The following WDR27 variants were observed in gnomAD, a reference collection of about 807,000 sequenced individuals.
WDR27 encodes the protein WD repeat domain 27.
In WDR27, 100 loss-of-function variants were observed where a neutral mutation model predicts 114.4. That is an observed-to-expected ratio of 0.87 (90% CI 0.74 to 1.03). The LOEUF is 1.03. Among genes scored for constraint, WDR27 ranks in the 50% least tolerant of loss-of-function variants. WDR27 has a pLI of 0.00. For synonymous variants in WDR27, 449 were observed against 423.1 expected, an observed-to-expected ratio of 1.06 and a Z score of -0.75; for missense variants, 1,129 against 1,092.9, an observed-to-expected ratio of 1.03 and a Z score of -0.47.
At chr6:169,558,875 C>T (rs1799273487) in intron 25 of WDR27, 1 of 152,204 alleles carries the variant, frequency 6.6e-6, no homozygotes, top group Non-Finnish European at 1.5e-5. Context: ...CTCATTTTGA[C>T]TACTGTTGGT....
chr6:169,450,450 T>A, the WDR27 span, among the ~76,000 whole-genome samples: 20 of 152,328 alleles, frequency 1.3e-4, no homozygotes, highest in African/African-American at 4.8e-4. Context: ...AGGCCACAGT[T>A]CTACAGCTGA....
the WDR27 span, among the ~76,000 whole-genome samples, chr6:169,440,356 C>T: frequency 1.3e-5 from 2 of 152,274 alleles, no homozygotes; most frequent in Admixed American, 6.5e-5. Context: ...TTTCCTAACG[C>T]CCTATAAACA....
chr6:169,682,880 TA>T (rs891407731), intron 2 of WDR27, among the ~76,000 whole-genome samples: 6 of 151,898 alleles, frequency 4.0e-5, no homozygotes, highest in African/African-American at 9.7e-5. Flanking sequence ...AGATTAATTT[TA>T]AAAAAAATCA....
At chr6:169,460,665 A>G (rs186596838) in intron 25 of WDR27, among the ~76,000 whole-genome samples, 114 of 152,314 alleles carry the variant, frequency 7.5e-4, no homozygotes, top group African/African-American at 2.6e-3. Flanking sequence ...TTAAAAACAC[A>G]TAATTCAACT....
chr6:169,696,262 G>C (rs2128313028), intron 1 of WDR27, among the ~76,000 whole-genome samples: 1 of 152,322 alleles, frequency 6.6e-6, no homozygotes, highest in South Asian at 2.1e-4. Flanking sequence ...TCAACAGCAA[G>C]AGTCCAGGGT....
At chr6:169,613,942 C>G (rs1206017527) in intron 21 of WDR27, among the ~76,000 whole-genome samples, 1 of 152,014 alleles carries the variant, frequency 6.6e-6, no homozygotes, top group Non-Finnish European at 1.5e-5. Flanking sequence ...AGTAATACAC[C>G]AAAATTCATG....
chr6:169,436,442 A>G, the WDR27 span, among the ~76,000 whole-genome samples: 97 of 151,504 alleles, frequency 6.4e-4, no homozygotes, highest in Non-Finnish European at 9.6e-4. Flanking sequence ...TTTAATGAAA[A>G]CAACTGTATC....
chr6:169,547,966 A>G (rs1204567640), intron 25 of WDR27, among the ~76,000 whole-genome samples: 1 of 152,164 alleles, frequency 6.6e-6, no homozygotes, highest in Admixed American at 6.5e-5. Flanking sequence ...GGATTGCAGA[A>G]TTCAAGGTCA....
At chr6:169,629,256 C>T (rs572708141) in intron 21 of WDR27, among the ~76,000 whole-genome samples, 6 of 152,006 alleles carry the variant, frequency 3.9e-5, no homozygotes, top group East Asian at 1.9e-4. Flanking sequence ...TTAAAAACTC[C>T]GAAATTATAT....
rs145239089 is a variant in WDR27, at chr6:169,550,241, C to T, written c.2645+22178G>A. On this transcript the variant is annotated intron_variant, in intron 25 of 25. Transcript: ENST00000448612. ...CTGCACATATCGTTATAAGAGTGTTCAGTTACTTTGTATGTTTCTAAAATA... is the reference window on the plus strand; with the variant it reads ...CTGCACATATCGTTATAAGAGTGTTTAGTTACTTTGTATGTTTCTAAAATA... 2.4e-3 allele frequency among the ~76,000 whole-genome samples: 369 copies of T among 152,212 alleles called. 2 individuals carry two copies. Among genetic ancestry groups the T allele is most frequent in the African/African-American group, 8.5e-3 (354 of 41,540 alleles).
At position 169,672,333 on chromosome 6, in the gene WDR27, G is replaced by C. The variant is rs758580550; in HGVS notation, c.253C>G (p.Pro85Ala). The C allele has an allele frequency of 1.2e-6, 2 of 1,613,112 alleles. No homozygotes were observed. Among genetic ancestry groups the C allele is most frequent in the Non-Finnish European group, 1.7e-6 (2 of 1,179,398 alleles). ...AGTGATGCTGAGCAGATTAGAAGTGGGTTCACTTTATTTCCAAAAGCCATA... is the reference window on the plus strand; with the variant it reads ...AGTGATGCTGAGCAGATTAGAAGTGCGTTCACTTTATTTCCAAAAGCCATA... ...TAMAFGNKVNPLLICSASLDY... is the reference protein window; with the variant it reads ...TAMAFGNKVNALLICSASLDY... The change falls in exon 3 of 26, where the codon CCA becomes GCA. Residue 85 changes from proline (P) to alanine (A), a missense_variant. Transcript: ENST00000448612.
intron 14 of WDR27, among the ~76,000 whole-genome samples, chr6:169,650,431 CCT>C (rs1822064954): frequency 7.1e-6 from 1 of 141,106 alleles, no homozygotes; most frequent in Non-Finnish European, 1.5e-5. Context: ...CACTCATCCA[CCT>C]CTCATCTCTC....
At chr6:169,461,792 AAGAAAAACAG>A (rs1418291664) in intron 25 of WDR27, among the ~76,000 whole-genome samples, 1 of 151,964 alleles carries the variant, frequency 6.6e-6, no homozygotes, top group South Asian at 2.1e-4. Flanking sequence ...AAATGGAGAA[AAGAAAAACAG>A]AGAAAAACAA....
chr6:169,651,868 T>C, intron 14 of WDR27, 62 bp downstream of exon 14: 1 of 1,467,040 alleles, frequency 6.8e-7, no homozygotes, highest in Non-Finnish European at 9.5e-7. Context: ...CCTATTTGTG[T>C]TAAAATCCTG....
In WDR27 at chr6:169,577,450, G is replaced by A. The variant is rs1191345975; in HGVS notation, c.2524-4910C>T. Among the ~76,000 whole-genome samples the A allele has an allele frequency of 2.0e-5, 3 of 152,232 alleles. No homozygotes were observed. The East Asian group carries it at 5.8e-4, about 29-fold the overall frequency. ...GCTGCGTCGGGGGCCTGGAGACGGG[G>A]AGATGGTTCTGGATGTCCCAGGTGT... On this transcript the variant is annotated intron_variant, in intron 24 of 25. Coordinates refer to ENST00000448612, the MANE Select transcript of WDR27 (RefSeq NM_182552.5).
In WDR27 at chr6:169,458,006, A is replaced by T. The variant is rs117838682; in HGVS notation, c.2646-372T>A. 1.8e-3 allele frequency among the ~76,000 whole-genome samples: 253 copies of T among 139,948 alleles called. 3 individuals are homozygous for T. In the East Asian group the frequency reaches 0.042, roughly 23 times the overall value. 91.8% of individuals were successfully genotyped at this position (139,948 alleles called of 152,430 possible). On this transcript the variant is annotated intron_variant, in intron 25 of 25. Transcript: ENST00000448612. ...GAGGAGGAGGAGGAGGAGGAGGAGG[A>T]GGTGGTGGTGGTGCCAGGAATCCAC...
At chr6:169,695,523 T>G (rs1349531090) in intron 1 of WDR27, among the ~76,000 whole-genome samples, 1 of 152,200 alleles carries the variant, frequency 6.6e-6, no homozygotes, top group Non-Finnish European at 1.5e-5. Context: ...TTTTAGAGGG[T>G]AACACTCAGA....
intron 18 of WDR27, among the ~76,000 whole-genome samples, chr6:169,636,936 G>C (rs901895630): frequency 1.3e-5 from 2 of 152,174 alleles, no homozygotes; most frequent in Non-Finnish European, 2.9e-5. Context: ...GCTGCCAAAC[G>C]CTTCACCTTT....
intron 13 of WDR27, among the ~76,000 whole-genome samples, chr6:169,653,090 G>A (rs746611758): frequency 3.9e-5 from 6 of 152,192 alleles, no homozygotes; most frequent in African/African-American, 7.2e-5. Flanking sequence ...CAAGACGAGC[G>A]GACCCCGTGG....
Sources: allele counts gnomAD v4.1 joint callset (sites outside exome capture counted in the v4.1 genomes callset), GRCh38; gene constraint gnomAD v4.1.1; transcripts MANE v1.5; gene names NCBI Gene and HGNC (gene_info 2026-07-23, HGNC 2026-07-21).